Variants in MAG observed in about 807,000 individuals in gnomAD.
MAG encodes myelin-associated glycoprotein.
MAG carries 30 observed loss-of-function variants against 60.7 expected under a neutral mutation model. The observed-to-expected ratio is 0.49, with a 90% CI of 0.37 to 0.67. The LOEUF (loss-of-function observed/expected upper bound fraction) is 0.67. Among genes scored for constraint, MAG ranks in the 30% least tolerant of loss-of-function variants. MAG has a pLI of 0.00. For synonymous variants in MAG, 384 were observed against 376.8 expected (o/e 1.02, Z -0.22); for missense variants, 795 against 851.7 (o/e 0.93, Z 0.83).
intron 8 of MAG, among the ~76,000 whole-genome samples, 153 bp downstream of exon 8, chr19:35,310,314 C>T (rs531569076): frequency 2.3e-4 from 35 of 152,254 alleles, no homozygotes; most frequent in Non-Finnish European, 4.4e-4. Flanking sequence ...GGAGAAGCCG[C>T]CCTGAGTTTG....
intron 9 of MAG, among the ~76,000 whole-genome samples, chr19:35,311,170 AAAAATTTTTTTTT>A (rs1233398372): frequency 6.6e-6 from 1 of 152,200 alleles, no homozygotes; most frequent in African/African-American, 2.4e-5. Flanking sequence ...CATCTCTAAA[AAAAATTTTTTTTT>A]AATTAGCCAG....
At position 35,310,628 on chromosome 19, in the gene MAG, C is replaced by T. The variant is rs771128534; in HGVS notation, c.1601C>T (p.Thr534Ile). 1.9e-6 allele frequency: 3 copies of T among 1,614,016 alleles called. No homozygotes were observed. The South Asian group carries it at 3.3e-5, about 18-fold the overall frequency. ...AILIAIVCYITQTRRKKNVTE... is the reference protein window; with the variant it reads ...AILIAIVCYIIQTRRKKNVTE... ...CTGATTGCCATCGTCTGCTACATTA[C>T]CCAGACACGCAGGAAGTGAGTGCCA... is the stretch of plus-strand genomic sequence containing the variant. Residue 534 changes from threonine to isoleucine, a missense_variant, in exon 9 of 11, where the codon ACC becomes ATC. Coordinates refer to ENST00000392213, the MANE Select transcript of MAG (RefSeq NM_002361.4).
intron 9 of MAG, among the ~76,000 whole-genome samples, chr19:35,311,112 G>C (rs997551003): frequency 1.3e-5 from 2 of 152,186 alleles, no homozygotes; most frequent in African/African-American, 4.8e-5. Context: ...AGGAAGGATT[G>C]CTTGAGGCCA....
Position 35,295,689 on chromosome 19 carries a change from C to G in MAG, c.123C>G (p.Pro41=), listed in dbSNP as rs1483181195. The part of the protein sequence containing the change: ...SAFEGTCVSI[P]CRFDFPDELR... ...TCGAAGGCACGTGCGTCTCCATCCCCTGCCGCTTTGACTTCCCGGATGAGC... is the reference window on the plus strand; with the variant it reads ...TCGAAGGCACGTGCGTCTCCATCCCGTGCCGCTTTGACTTCCCGGATGAGC... Residue 41 remains proline, a synonymous_variant, in exon 4 of 11, where the codon CCC becomes CCG. Coordinates refer to ENST00000392213, the MANE Select transcript of MAG (RefSeq NM_002361.4). This position sits in a 1 kb window ranked among gnomAD's most constrained non-coding sequence, Gnocchi z 5.8. 6.2e-7 allele frequency: 1 copy of G among 1,613,208 alleles called. No homozygotes were observed. The highest frequency in any genetic ancestry group is 8.5e-7 in the Non-Finnish European group (1 of 1,180,026).
chr19:35,313,419 G>A lies in MAG; in HGVS notation c.1846G>A (p.Glu616Lys). ...PTKDSYTLTE[E>K]LAEYAEIRVK Reference sequence around the variant, plus strand: ...CAAGGACAGCTACACGCTGACGGAGGAGCTAGCTGAGTATGCTGAAATCCG... The same window carrying A: ...CAAGGACAGCTACACGCTGACGGAGAAGCTAGCTGAGTATGCTGAAATCCG... Residue 616 changes from glutamate to lysine, a missense_variant, in exon 11 of 11, where the codon GAG becomes AAG. Transcript: ENST00000392213. 6.2e-7 allele frequency: 1 copy of A among 1,613,652 alleles called. No homozygotes were observed. The highest frequency in any genetic ancestry group is 8.5e-7 in the Non-Finnish European group (1 of 1,179,830).
chr19:35,300,547 A>C (rs1331915306), intron 6 of MAG, 143 bp downstream of exon 6: 2 of 1,034,732 alleles, frequency 1.9e-6, no homozygotes, highest in Non-Finnish European at 2.6e-6. Flanking sequence ...GGGGGGTTGC[A>C]AGTCAAGGTG....
Position 35,295,846 on chromosome 19 carries a change from G to T in MAG, c.280G>T (p.Asp94Tyr). Residue 94 changes from aspartate (D) to tyrosine (Y), a missense_variant, in exon 4 of 11, where the codon GAC (aspartate) becomes TAC (tyrosine). Coordinates refer to ENST00000392213, the MANE Select transcript of MAG (RefSeq NM_002361.4). This position sits in a 1 kb window ranked among gnomAD's most constrained non-coding sequence, Gnocchi z 5.8. ...SFQGRSRLLG[D>Y]LGLRNCTLLL... ...CCAGGGCCGCAGCCGCCTCCTGGGG[G>T]ACCTGGGCCTGCGAAACTGCACCCT... 1.9e-6 allele frequency: 3 copies of T among 1,614,018 alleles called. No homozygotes were observed. Among genetic ancestry groups the T allele is most frequent in the Non-Finnish European group, 2.5e-6 (3 of 1,180,032 alleles).
chr19:35,310,261 G>T, intron 8 of MAG, 100 bp downstream of exon 8: 1 of 1,392,238 alleles, frequency 7.2e-7, no homozygotes. Flanking sequence ...CATGGGCTAT[G>T]CAGATTGACA....
rs143570406 is a variant in MAG at position 35,311,852 on chromosome 19, C to T, written c.1617-66C>T. 9,451 of 1,191,244 alleles carry T rather than the reference C, an allele frequency of 7.9e-3. 76 individuals are homozygous for T. The highest frequency in any genetic ancestry group is 9.2e-3 in the Non-Finnish European group (7,523 of 817,162). The allele number at this position is 1,191,244 out of a possible 1,614,324, so 73.8% of individuals were successfully genotyped here. A position where few individuals can be genotyped will look rare whatever the true frequency, so the allele number is the denominator to read the frequency against. On this transcript the variant is annotated intron_variant, in intron 9 of 10. Coordinates refer to ENST00000392213, the MANE Select transcript of MAG (RefSeq NM_002361.4). ...GAACTCTGAGGTCCCCTGAGCCAAA[C>T]TCCTAAAACACGTGGGGGTGCAGAA...
rs201485053 is a variant in MAG, at chr19:35,300,422, T to C, written c.970+18T>C. 1.7e-4 allele frequency: 255 copies of C among 1,543,712 alleles called. No individual in the cohort carries two copies. Among genetic ancestry groups the C allele is most frequent in the South Asian group, 5.9e-4 (50 of 84,828 alleles). On this transcript the variant is annotated intron_variant, in intron 6 of 10. Transcript: ENST00000392213. ...TGTCATGTGTGAGTGGCCCACTCTG[T>C]GCGTCCACACGCCCACCTGCAGCCG...
intron 7 of MAG, among the ~76,000 whole-genome samples, chr19:35,304,750 G>T (rs1281208658): frequency 6.6e-6 from 1 of 152,090 alleles, no homozygotes; most frequent in East Asian, 1.9e-4. Flanking sequence ...ATGTTGCCCA[G>T]GCTGTTCTCC....
At position 35,302,534 on chromosome 19, in the gene MAG, C is replaced by A; in HGVS notation, c.1057C>A (p.Pro353Thr). ...TATCTTGTGCTCCACACAGAGCAAC[C>A]CGGACCCTATTCTCACCATCTTCAA... is the stretch of plus-strand genomic sequence containing the variant. Reference protein sequence around the residue: ...VSILCSTQSNPDPILTIFKEK... With the variant: ...VSILCSTQSNTDPILTIFKEK... The change falls in exon 7 of 11, where the codon CCG becomes ACG. Residue 353 changes from proline (P) to threonine (T), a missense_variant. Pro to Thr is a conservative substitution (Grantham distance 38). Transcript: ENST00000392213. The A allele has an allele frequency of 6.2e-7, 1 of 1,614,200 alleles. No homozygotes were observed. The highest frequency in any genetic ancestry group is 8.5e-7 in the Non-Finnish European group (1 of 1,180,042).
chr19:35,299,729 G>T lies in MAG; in HGVS notation c.591G>T (p.Val197=). Residue 197 remains valine (V), a synonymous_variant, in exon 5 of 11, where the codon GTG becomes GTT. Transcript: ENST00000392213. ...TGCGGGAGGACGAGGGCACCTGGGT[G>T]CAGGTGTCACTGCTGCACTTCGTGC... ...GRLREDEGTW[V]QVSLLHFVPT... 6.4e-7 allele frequency: 1 copy of T among 1,567,534 alleles called. No individual in the cohort carries two copies. Among genetic ancestry groups the T allele is most frequent in the East Asian group, 2.4e-5 (1 of 41,930 alleles).
Position 35,293,821 on chromosome 19 carries a change from C to G in MAG, c.-79-414C>G, listed in dbSNP as rs2066375747. 6.6e-6 allele frequency among the ~76,000 whole-genome samples: 1 copy of G among 152,078 alleles called. No homozygotes were observed. Among genetic ancestry groups the G allele is most frequent in the South Asian group, 2.1e-4 (1 of 4,832 alleles). On this transcript the variant is annotated intron_variant, in intron 1 of 10. Transcript: ENST00000392213. The surrounding 1 kb of genome is among the most constrained non-coding windows in gnomAD (Gnocchi z 4.0). ...CCAGCTTCTGGTGAGGGTGCGGACA[C>G]CAGGGGCCGTCTGTGGGGTGGGAGA...
At chr19:35,294,684 G>A (rs910541313) in intron 2 of MAG, among the ~76,000 whole-genome samples, 9 of 152,196 alleles carry the variant, frequency 5.9e-5, no homozygotes, top group Non-Finnish European at 1.2e-4. Context: ...GGGAGGCTGA[G>A]GCAGGAGGAT....
At position 35,295,412 on chromosome 19, in the gene MAG, A is replaced by G. The variant is rs2066388358; in HGVS notation, c.4A>G (p.Ile2Val). 6.2e-7 allele frequency: 1 copy of G among 1,613,798 alleles called. No homozygotes were observed. Among genetic ancestry groups the G allele is most frequent in the Admixed American group, 1.7e-5 (1 of 59,960 alleles). The change falls in exon 3 of 11, where the codon ATA becomes GTA. Residue 2 changes from isoleucine (I) to valine (V), a missense_variant. By Grantham distance (29) the Ile-to-Val change is conservative. Coordinates refer to ENST00000392213, the MANE Select transcript of MAG (RefSeq NM_002361.4). This position sits in a 1 kb window ranked among gnomAD's most constrained non-coding sequence, Gnocchi z 5.8. M[I>V]FLTALPLFWI... The stretch of plus-strand genomic sequence containing the variant: ...GATCACTCACTCGCTGTACAGAATG[A>G]TATTCCTCACGGCACTGCCTCTGTT...
At chr19:35,299,874 G>T in intron 5 of MAG, 24 bp downstream of exon 5, 1 of 929,338 alleles carries the variant, frequency 1.1e-6, no homozygotes, top group Non-Finnish European at 1.5e-6. Flanking sequence ...CGGGCGGGGC[G>T]GGGTGGGGCG....
chr19:35,311,860 AC>A (rs1192802104), intron 9 of MAG, 57 bp from the exon 10 acceptor site: 1 of 1,277,702 alleles, frequency 7.8e-7, no homozygotes, highest in Non-Finnish European at 1.1e-6. Context: ...AACTCCTAAA[AC>A]ACGTGGGGGT....
intron 5 of MAG, 52 bp from the exon 6 acceptor site, chr19:35,300,094 TG>T: frequency 6.7e-7 from 1 of 1,483,296 alleles, no homozygotes. Flanking sequence ...GAGAGGGCAC[TG>T]GGCCGGTTCC....
Sources: allele counts gnomAD v4.1 joint callset (sites outside exome capture counted in the v4.1 genomes callset), GRCh38; gene constraint gnomAD v4.1.1; non-coding constraint Gnocchi (gnomAD v3.1); transcripts MANE v1.5; gene names NCBI Gene and HGNC (gene_info 2026-07-23, HGNC 2026-07-21).